ABCB11: variants seen among roughly 807,000 people sequenced by gnomAD.
ABCB11 encodes the protein ATP binding cassette subfamily B member 11, also known as bile salt export pump.
In ABCB11, 95 loss-of-function variants were observed where a neutral mutation model predicts 148.0. The ratio of observed to expected loss-of-function variants is 0.64; its 90% CI spans 0.54 to 0.76. The LOEUF (loss-of-function observed/expected upper bound fraction) is 0.76. Among genes scored for constraint, ABCB11 ranks in the 30% least tolerant of loss-of-function variants. The pLI, the probability that ABCB11 is intolerant of heterozygous loss-of-function variation, is 0.00. For synonymous variants in ABCB11, 591 were observed against 555.4 expected (o/e 1.06, Z -0.90); for missense variants, 1,523 against 1,617.8 (o/e 0.94, Z 1.01).
intron 5 of ABCB11, among the ~76,000 whole-genome samples, chr2:169,002,914 T>A (rs1337688810): frequency 6.6e-6 from 1 of 151,944 alleles, no homozygotes; most frequent in Non-Finnish European, 1.5e-5. Flanking sequence ...TAGATTTTTA[T>A]TTTTTTTGTT....
intron 26 of ABCB11, among the ~76,000 whole-genome samples, chr2:168,926,537 A>G (rs565536264): frequency 6.6e-6 from 1 of 152,210 alleles, no homozygotes; most frequent in South Asian, 2.1e-4. Context: ...GTGTTTCCCC[A>G]CTATGCTAAA....
rs1182247182 is a variant in ABCB11 at position 168,958,100 on chromosome 2, A to T, written c.2207T>A (p.Val736Asp). 2 of 1,611,178 alleles carry T rather than the reference A, an allele frequency of 1.2e-6. No homozygotes were observed. Among genetic ancestry groups the T allele is most frequent in the East Asian group, 4.5e-5 (2 of 44,772 alleles). The part of the protein sequence containing the change: ...KDKDIPVQEE[V>D]EPAPVRRILK... ...AATCCTCCTAACTGGGGCAGGTTCA[A>T]CTTCTTCCTGCACAGGAATGTCCTT... is the stretch of plus-strand genomic sequence containing the variant. Residue 736 changes from valine (V) to aspartate (D), a missense_variant, in exon 19 of 28, where the codon GTT (valine) becomes GAT (aspartate). Coordinates refer to ENST00000650372, the MANE Select transcript of ABCB11 (RefSeq NM_003742.4).
Position 168,932,449 on chromosome 2 carries a change from T to G in ABCB11, c.3141A>C (p.Ser1047=), listed in dbSNP as rs1222484954. 6.2e-7 allele frequency: 1 copy of G among 1,611,720 alleles called. No individual in the cohort carries two copies. Residue 1047 remains serine, a synonymous_variant, in exon 24 of 28, where the codon TCA becomes TCC. Coordinates refer to ENST00000650372, the MANE Select transcript of ABCB11 (RefSeq NM_003742.4). ...YTPSYAKAKI[S]AARFFQLLDR... ...CCAGCAGTTGAAAAAAGCGTGCAGCTGATATTTTAGCTTTTGCATAACTTG... is the reference window on the plus strand; with the variant it reads ...CCAGCAGTTGAAAAAAGCGTGCAGCGGATATTTTAGCTTTTGCATAACTTG...
intron 12 of ABCB11, 43 bp downstream of exon 12, chr2:168,976,534 A>G: frequency 8.4e-7 from 1 of 1,184,710 alleles, no homozygotes; most frequent in South Asian, 1.7e-5. Context: ...AAATCATCGA[A>G]GAAGAAAACA....
chr2:168,963,944 T>C lies in ABCB11; in HGVS notation c.2178+262A>G, dbSNP rs554316970. ...TTCACACATTCTGTGTTTGTTAGAA[T>C]AGTTTGTCTAAGACAATTAACCCTC... On this transcript the variant is annotated intron_variant, in intron 18 of 27. Coordinates refer to ENST00000650372, the MANE Select transcript of ABCB11 (RefSeq NM_003742.4). Among the ~76,000 whole-genome samples, 3 of 151,986 alleles carry C rather than the reference T, an allele frequency of 2.0e-5. No individual in the cohort carries two copies. In the East Asian group the frequency reaches 5.9e-4, roughly 30 times the overall value.
chr2:168,994,452 G>A (rs1483846515), intron 7 of ABCB11, among the ~76,000 whole-genome samples: 2 of 152,000 alleles, frequency 1.3e-5, no homozygotes, highest in African/African-American at 4.8e-5. Context: ...ACTCTTGTTG[G>A]GCAAGTTACT....
intron 2 of ABCB11, among the ~76,000 whole-genome samples, chr2:169,017,267 T>C (rs1291980381): frequency 1.3e-5 from 2 of 152,104 alleles, no homozygotes; most frequent in African/African-American, 4.8e-5. Context: ...ACTTCTACAC[T>C]AGTAGAAGCC....
Position 168,987,353 on chromosome 2 carries a change from A to T in ABCB11, c.909-1069T>A, listed in dbSNP as rs1283510344. Among the ~76,000 whole-genome samples, 5 of 152,172 alleles carry T rather than the reference A, an allele frequency of 3.3e-5. No individual in the cohort carries two copies. In the South Asian group the frequency reaches 6.2e-4, roughly 19 times the overall value. On this transcript the variant is annotated intron_variant, in intron 9 of 27. Coordinates refer to ENST00000650372, the MANE Select transcript of ABCB11 (RefSeq NM_003742.4). The stretch of plus-strand genomic sequence containing the variant: ...GAATAAACAAAATTACATTTTGGAC[A>T]ACTGTATTATTTTGGCCATTTGGGT...
chr2:168,932,626 G>T (rs1691626914), intron 23 of ABCB11, 93 bp from the exon 24 acceptor site: 3 of 1,448,796 alleles, frequency 2.1e-6, no homozygotes, highest in Admixed American at 4.2e-5. Flanking sequence ...CCCTGGTTCT[G>T]CCAGGAAAGG....
intron 8 of ABCB11, among the ~76,000 whole-genome samples, chr2:168,991,140 C>T (rs1396149834): frequency 1.3e-5 from 2 of 152,174 alleles, no homozygotes; most frequent in African/African-American, 2.4e-5. Flanking sequence ...AATGACCCTA[C>T]TAAAAGTAAG....
chr2:169,014,322 C>G lies in ABCB11; in HGVS notation c.131G>C (p.Arg44Thr), dbSNP rs775156203. The change falls in exon 4 of 28, where the codon AGA becomes ACA. Residue 44 changes from arginine to threonine, a missense_variant. Physicochemically the swap from Arg to Thr is moderately conservative, Grantham distance 71. Coordinates refer to ENST00000650372, the MANE Select transcript of ABCB11 (RefSeq NM_003742.4). ...TATTACCAATTGAAAGAAGCCAACTCTAACGCCATCACCTTTCTTCTCATC... is the reference window on the plus strand; with the variant it reads ...TATTACCAATTGAAAGAAGCCAACTGTAACGCCATCACCTTTCTTCTCATC... ...LQDEKKGDGV[R>T]VGFFQLFRFS... The G allele has an allele frequency of 1.2e-6, 2 of 1,613,352 alleles. No homozygotes were observed. The highest frequency in any genetic ancestry group is 2.7e-5 in the African/African-American group (2 of 74,880).
intron 1 of ABCB11, among the ~76,000 whole-genome samples, chr2:169,018,499 A>G (rs1362443156): frequency 2.0e-5 from 3 of 152,186 alleles, no homozygotes; most frequent in Non-Finnish European, 4.4e-5. Flanking sequence ...ATGAGAAAAC[A>G]TTAAAACCAT....
At chr2:168,996,817 T>C (rs535705273) in intron 5 of ABCB11, 95 bp from the exon 6 acceptor site, 1 of 300,050 alleles carries the variant, frequency 3.3e-6, no homozygotes, top group East Asian at 6.7e-5. Context: ...AAAATATATA[T>C]ATTTTAAATA....
At chr2:168,966,284 G>A (rs1011738746) in intron 17 of ABCB11, among the ~76,000 whole-genome samples, 6 of 151,890 alleles carry the variant, frequency 4.0e-5, no homozygotes, top group African/African-American at 1.4e-4. Context: ...TGGAGCAGGA[G>A]AGGCCATCAA....
intron 8 of ABCB11, among the ~76,000 whole-genome samples, chr2:168,991,417 T>C (rs1010832769): frequency 3.3e-5 from 5 of 152,118 alleles, no homozygotes; most frequent in African/African-American, 4.8e-5. Flanking sequence ...TTCACTCAGT[T>C]GGAGACGCTC....
At chr2:168,932,293 A>G (rs1448207090) in intron 24 of ABCB11, 84 bp downstream of exon 24, 2 of 1,183,584 alleles carry the variant, frequency 1.7e-6, no homozygotes, top group Non-Finnish European at 2.4e-6. Flanking sequence ...TTTGCTGAGA[A>G]TGATGGTTTC....
rs1212826557 is a variant in ABCB11 at position 168,996,628 on chromosome 2, T to A, written c.477+7A>T. 6.8e-7 allele frequency: 1 copy of A among 1,477,298 alleles called. No homozygotes were observed. Among genetic ancestry groups the A allele is most frequent in the Non-Finnish European group, 9.1e-7 (1 of 1,095,320 alleles). The allele number at this position is 1,477,298 out of a possible 1,614,324, so 91.5% of individuals were successfully genotyped here. A position where few individuals can be genotyped will look rare whatever the true frequency, so the allele number is the denominator to read the frequency against. ...TGATCTATAAATTATACGGAGGAGC[T>A]ACTAACTTGAATATATCCTGTGATA... On this transcript the variant is annotated splice_region_variant and intron_variant, in intron 6 of 27. Transcript: ENST00000650372.
chr2:168,987,957 A>T (rs1222097079), intron 9 of ABCB11, among the ~76,000 whole-genome samples: 1 of 152,124 alleles, frequency 6.6e-6, no homozygotes, highest in African/African-American at 2.4e-5. Flanking sequence ...CTAAATCAAG[A>T]TAATTAACAT....
At chr2:169,011,047 C>T (rs917892788) in intron 5 of ABCB11, among the ~76,000 whole-genome samples, 2 of 152,110 alleles carry the variant, frequency 1.3e-5, no homozygotes, top group Non-Finnish European at 2.9e-5. Flanking sequence ...TAATGAGTGG[C>T]CACAGAGAAT....
Sources: gnomAD v4.1 joint callset for allele counts (sites outside exome capture counted in the v4.1 genomes callset) on GRCh38, gnomAD v4.1.1 for gene constraint, MANE v1.5 for transcripts, NCBI Gene and HGNC (gene_info 2026-07-23, HGNC 2026-07-21) for gene names.